The following ACVR1 variants were observed in gnomAD, a reference collection of about 807,000 sequenced individuals.
ACVR1 encodes activin A receptor type 1.
A neutral mutation model predicts 57.1 loss-of-function variants in ACVR1; 38 were observed. That is an observed-to-expected ratio of 0.67 (90% CI 0.51 to 0.87). The LOEUF (loss-of-function observed/expected upper bound fraction) is 0.87, where lower values mean the gene tolerates loss of function less well. Ranked by LOEUF, ACVR1 falls within the 40% of genes least tolerant of loss-of-function variation. The pLI is 0.00. For missense variants in ACVR1, 463 were observed against 638.2 expected, an observed-to-expected ratio of 0.73 and a Z score of 2.96; for synonymous variants, 212 against 228.1, an observed-to-expected ratio of 0.93 and a Z score of 0.63.
chr2:157,798,330 A>G (rs886730558), intron 3 of ACVR1, among the ~76,000 whole-genome samples: 1 of 152,092 alleles, frequency 6.6e-6, no homozygotes, highest in African/African-American at 2.4e-5. Flanking sequence ...TCACCAATTC[A>G]GAAAATTCAA....
chr2:157,743,620 T>C (rs935480610), intron 9 of ACVR1, among the ~76,000 whole-genome samples: 8 of 151,822 alleles, frequency 5.3e-5, no homozygotes, highest in African/African-American at 1.9e-4. Flanking sequence ...CTATATTTTA[T>C]GTAACATCCC....
In ACVR1 at chr2:157,766,024, T is replaced by C; in HGVS notation, c.963A>G (p.Ile321Met). Residue 321 changes from isoleucine to methionine, a missense_variant, in exon 8 of 11, where the codon ATA (isoleucine) becomes ATG (methionine). Ile to Met is a conservative substitution (Grantham distance 10, BLOSUM62 1). Coordinates refer to ENST00000434821, the MANE Select transcript of ACVR1 (RefSeq NM_001111067.4). ...SIASGLAHLH[I>M]EIFGTQGKPA... The stretch of plus-strand genomic sequence containing the variant: ...GTTTCCCTTGGGTCCCAAATATCTC[T>C]ATGTGCAAATGTGCAAGACCACTAG... The C allele has an allele frequency of 6.2e-7, 1 of 1,614,166 alleles. No individual in the cohort carries two copies. The highest frequency in any genetic ancestry group is 8.5e-7 in the Non-Finnish European group (1 of 1,179,994).
intron 2 of ACVR1, among the ~76,000 whole-genome samples, chr2:157,803,166 C>T (rs964264924): frequency 5.9e-5 from 9 of 151,968 alleles, no homozygotes; most frequent in African/African-American, 1.7e-4. Flanking sequence ...ATATTTTCCA[C>T]GTCACAAAGC....
intron 3 of ACVR1, among the ~76,000 whole-genome samples, chr2:157,788,934 A>ATCCCATG (rs1456343381): frequency 6.6e-6 from 1 of 152,186 alleles, no homozygotes; most frequent in Non-Finnish European, 1.5e-5. Flanking sequence ...GAAGAAAGGA[A>ATCCCATG]TCCCATGTCT....
At chr2:157,849,271 GAAAC>G (rs1325319697) in intron 1 of ACVR1, among the ~76,000 whole-genome samples, 2 of 152,076 alleles carry the variant, frequency 1.3e-5, no homozygotes, top group Non-Finnish European at 2.9e-5. Flanking sequence ...ATTATCAAAA[GAAAC>G]AAACAGTTCG....
intron 3 of ACVR1, among the ~76,000 whole-genome samples, chr2:157,787,180 T>C (rs1183870946): frequency 6.6e-6 from 1 of 152,296 alleles, no homozygotes; most frequent in Middle Eastern, 3.4e-3. Flanking sequence ...ACTAACAAAT[T>C]AAAGAACACT....
At chr2:157,760,804 C>T in intron 9 of ACVR1, 76 bp downstream of exon 9, 1 of 1,375,328 alleles carries the variant, frequency 7.3e-7, no homozygotes, top group Non-Finnish European at 1.0e-6. Flanking sequence ...TTTCAATAGT[C>T]CCTTCAGCCC....
At position 157,774,087 on chromosome 2, in the gene ACVR1, C is replaced by T; in HGVS notation, c.643+1G>A. ...ACAAAGAAAGGAAAAAAAAGAATTA[C>T]CGACACACTCCAACAGTGTAATCTG... On this transcript the variant is annotated splice_donor_variant, in intron 6 of 10. Transcript: ENST00000434821. LOFTEE classifies it high-confidence loss of function. 1 of 1,613,066 alleles carries T rather than the reference C, an allele frequency of 6.2e-7. No homozygotes were observed. The highest frequency in any genetic ancestry group is 8.5e-7 in the Non-Finnish European group (1 of 1,179,090).
chr2:157,824,681 GAGA>G (rs1161584901), intron 1 of ACVR1, among the ~76,000 whole-genome samples: 1 of 151,916 alleles, frequency 6.6e-6, no homozygotes, highest in Admixed American at 6.6e-5. Context: ...TGTGACTTCA[GAGA>G]AGATCAGATT....
chr2:157,782,520 T>G (rs13021202), intron 3 of ACVR1, among the ~76,000 whole-genome samples: 13 of 152,232 alleles, frequency 8.5e-5, no homozygotes, highest in African/African-American at 3.1e-4. Context: ...TCTATGAGGA[T>G]GAGAAACATG....
At chr2:157,866,253 G>A (rs929159047) in intron 1 of ACVR1, among the ~76,000 whole-genome samples, 4 of 152,086 alleles carry the variant, frequency 2.6e-5, no homozygotes, top group Non-Finnish European at 5.9e-5. Flanking sequence ...ATGCCCTCCT[G>A]GAAGATTTCC....
At chr2:157,859,017 TTC>T (rs1161702839) in intron 1 of ACVR1, among the ~76,000 whole-genome samples, 1 of 152,170 alleles carries the variant, frequency 6.6e-6, no homozygotes, top group Non-Finnish European at 1.5e-5. Context: ...CACCTTCCTG[TTC>T]TGTTATGTGA....
At chr2:157,763,654 C>G (rs377188018) in intron 8 of ACVR1, among the ~76,000 whole-genome samples, 4 of 152,090 alleles carry the variant, frequency 2.6e-5, no homozygotes. Context: ...CCCAGTAGAT[C>G]GAGGCTGCAG....
chr2:157,848,587 C>A (rs1185149134), intron 1 of ACVR1, among the ~76,000 whole-genome samples: 1 of 152,150 alleles, frequency 6.6e-6, no homozygotes, highest in African/African-American at 2.4e-5. Context: ...AAACTGTGAG[C>A]ACAATAAAAT....
chr2:157,757,807 AAC>A (rs1280186550), intron 9 of ACVR1, among the ~76,000 whole-genome samples: 1 of 151,938 alleles, frequency 6.6e-6, no homozygotes, highest in Non-Finnish European at 1.5e-5. Context: ...GAAAGCATAA[AAC>A]ACTGGTAGAG....
intron 1 of ACVR1, among the ~76,000 whole-genome samples, chr2:157,851,961 C>T (rs1689328446): frequency 7.7e-6 from 1 of 130,118 alleles, no homozygotes; most frequent in Non-Finnish European, 1.6e-5. Flanking sequence ...ACTTCCGAAA[C>T]ATGTAATACA....
rs563591464 is a variant in ACVR1 at position 157,753,110 on chromosome 2, G to T, written c.1264+7770C>A. 5.3e-4 allele frequency among the ~76,000 whole-genome samples: 81 copies of T among 152,224 alleles called. 1 individual carries two copies. The South Asian group carries it at 0.014, about 26-fold the overall frequency. On this transcript the variant is annotated intron_variant, in intron 9 of 10. Coordinates refer to ENST00000434821, the MANE Select transcript of ACVR1 (RefSeq NM_001111067.4). Reference sequence around the variant, plus strand: ...ACTCAAATAAACTTAAGGTAAATGGGGTTGAAAAGATATTCCATGCAAATG... The same window carrying T: ...ACTCAAATAAACTTAAGGTAAATGGTGTTGAAAAGATATTCCATGCAAATG...
chr2:157,807,397 G>C (rs1687585130), intron 2 of ACVR1, among the ~76,000 whole-genome samples: 1 of 152,040 alleles, frequency 6.6e-6, no homozygotes, highest in South Asian at 2.1e-4. Flanking sequence ...TGACTATATG[G>C]AGACTGTCCC....
At chr2:157,753,581 C>T (rs1685297669) in intron 9 of ACVR1, among the ~76,000 whole-genome samples, 1 of 152,074 alleles carries the variant, frequency 6.6e-6, no homozygotes, top group African/African-American at 2.4e-5. Flanking sequence ...AATATATATG[C>T]ACCTAACACT....
Sources: gnomAD v4.1 joint callset for allele counts (sites outside exome capture counted in the v4.1 genomes callset) on GRCh38, gnomAD v4.1.1 for gene constraint, MANE v1.5 for transcripts, NCBI Gene and HGNC (gene_info 2026-07-23, HGNC 2026-07-21) for gene names.